Variants in STX2 observed in about 807,000 individuals in gnomAD.
STX2 encodes the protein syntaxin-2.
STX2 carries 27 observed loss-of-function variants against 40.6 expected under a neutral mutation model. The observed-to-expected ratio is 0.66, with a 90% confidence interval of 0.49 to 0.92. STX2 has a LOEUF of 0.92. Ranked by LOEUF, STX2 falls within the 40% of genes least tolerant of loss-of-function variation. STX2 has a pLI of 0.00. For synonymous variants in STX2, 123 were observed against 119.1 expected (o/e 1.03, Z -0.22); for missense variants, 328 against 366.1 (o/e 0.90, Z 0.85).
chr12:130,834,021 G>A (rs1295060767), intron 1 of STX2, among the ~76,000 whole-genome samples: 2 of 152,128 alleles, frequency 1.3e-5, no homozygotes. Flanking sequence ...AGACAAGATG[G>A]GCCATCTGTG....
chr12:130,819,772 C>G (rs183745244), intron 3 of STX2, among the ~76,000 whole-genome samples: 3 of 152,238 alleles, frequency 2.0e-5, no homozygotes, highest in African/African-American at 4.8e-5. Context: ...TTCTAGGAAG[C>G]CTTCTCAGAG....
chr12:130,806,740 T>A (rs1951449312), intron 6 of STX2, among the ~76,000 whole-genome samples: 1 of 151,972 alleles, frequency 6.6e-6, no homozygotes, highest in African/African-American at 2.4e-5. Flanking sequence ...ACTCTCCCAA[T>A]CTCCCTGAAA....
chr12:130,835,490 C>T (rs1952728378), intron 1 of STX2, among the ~76,000 whole-genome samples: 1 of 152,140 alleles, frequency 6.6e-6, no homozygotes, highest in Admixed American at 6.6e-5. Context: ...ATATATGTAT[C>T]AAATATAAAT....
Position 130,810,022 on chromosome 12 carries a change from A to AAAC in STX2, c.281-1321_281-1319dup, listed in dbSNP as rs560860616. On this transcript the variant is annotated intron_variant, in intron 4 of 10. Transcript: ENST00000392373. ...GGCCAGCACAGCAAGACCCCAGGTC[A>AAAC]AACAACAACAACAACAACAAAAAGT... Among the ~76,000 whole-genome samples, 19 of 152,218 alleles carry AAAC rather than the reference A, an allele frequency of 1.2e-4. 1 individual carries two copies. The highest frequency in any genetic ancestry group is 6.8e-3 in the Middle Eastern group (2 of 294).
intron 6 of STX2, among the ~76,000 whole-genome samples, chr12:130,801,735 G>A (rs752556407): frequency 1.3e-5 from 2 of 152,150 alleles, no homozygotes; most frequent in Non-Finnish European, 2.9e-5. Flanking sequence ...ATATTAGTGA[G>A]AAACAACTGC....
chr12:130,837,549 G>A (rs927840921), intron 1 of STX2, among the ~76,000 whole-genome samples: 20 of 152,276 alleles, frequency 1.3e-4, no homozygotes, highest in African/African-American at 4.6e-4. Flanking sequence ...CTCCCAAAGT[G>A]CTGGGATTAC....
intron 3 of STX2, among the ~76,000 whole-genome samples, chr12:130,813,679 G>A (rs572559415): frequency 8.5e-5 from 13 of 152,326 alleles, no homozygotes; most frequent in African/African-American, 2.2e-4. Context: ...CACCCAGGGC[G>A]TCATAGCAGC....
chr12:130,817,281 A>C (rs1951895568), intron 3 of STX2, among the ~76,000 whole-genome samples: 1 of 152,242 alleles, frequency 6.6e-6, no homozygotes, highest in Admixed American at 6.5e-5. Context: ...AAAGGAACCA[A>C]GTGGAATTCT....
At chr12:130,806,735 C>G (rs1951449215) in intron 6 of STX2, among the ~76,000 whole-genome samples, 1 of 152,172 alleles carries the variant, frequency 6.6e-6, no homozygotes, top group Non-Finnish European at 1.5e-5. Context: ...TGAGCACTCT[C>G]CCAATCTCCC....
chr12:130,826,438 C>G (rs1018181025), intron 2 of STX2, among the ~76,000 whole-genome samples: 1 of 152,194 alleles, frequency 6.6e-6, no homozygotes, highest in Non-Finnish European at 1.5e-5. Flanking sequence ...CAGCCAGCAC[C>G]GGGTGGGAGA....
intron 1 of STX2, among the ~76,000 whole-genome samples, chr12:130,837,769 T>C (rs1352530661): frequency 6.6e-6 from 1 of 152,158 alleles, no homozygotes; most frequent in Non-Finnish European, 1.5e-5. Context: ...CACTGAAAGA[T>C]AATCCATCGG....
intron 1 of STX2, among the ~76,000 whole-genome samples, chr12:130,834,099 C>T (rs1475717856): frequency 1.3e-5 from 2 of 152,088 alleles, no homozygotes; most frequent in East Asian, 1.9e-4. Context: ...AAAAAAGGTG[C>T]AAGGCTACAT....
chr12:130,834,121 C>T (rs1463188132), intron 1 of STX2, among the ~76,000 whole-genome samples: 3 of 152,118 alleles, frequency 2.0e-5, no homozygotes, highest in Admixed American at 6.6e-5. Context: ...TGGTGGCTCA[C>T]GCCTGTAATC....
rs1479986253 is a variant in STX2, at chr12:130,818,186, ATAT to A, written c.205+3500_205+3502del. 1.3e-3 allele frequency among the ~76,000 whole-genome samples: 78 copies of A among 62,268 alleles called. 1 individual carries two copies. Among genetic ancestry groups the A allele is most frequent in the African/African-American group, 4.1e-3 (36 of 8,700 alleles). The allele number at this position is 62,268 out of a possible 152,430, so 40.9% of individuals were successfully genotyped here. A position where few individuals can be genotyped will look rare whatever the true frequency, so the allele number is the denominator to read the frequency against. ...CTGTTTCTACAAAAAAAAAAAAAAAATATATATATATATATATATATATATATA... is the reference window on the plus strand; with the variant it reads ...CTGTTTCTACAAAAAAAAAAAAAAAAATATATATATATATATATATATATA... On this transcript the variant is annotated intron_variant, in intron 3 of 10. Coordinates refer to ENST00000392373, the MANE Select transcript of STX2 (RefSeq NM_194356.4).
intron 9 of STX2, among the ~76,000 whole-genome samples, chr12:130,798,204 T>G (rs1042442387): frequency 7.0e-6 from 1 of 142,042 alleles, no homozygotes; most frequent in African/African-American, 2.7e-5. Flanking sequence ...CCAAGATCAC[T>G]CCATTGCACT....
chr12:130,835,757 TCAGAA>T (rs1952736691), intron 1 of STX2, among the ~76,000 whole-genome samples: 1 of 152,172 alleles, frequency 6.6e-6, no homozygotes, highest in Non-Finnish European at 1.5e-5. Context: ...TTTCTGTAAA[TCAGAA>T]ATATCTTTCT....
chr12:130,792,155 G>C (rs972874327), intron 10 of STX2, among the ~76,000 whole-genome samples, 178 bp from the exon 11 acceptor site: 12 of 152,168 alleles, frequency 7.9e-5, no homozygotes, highest in Non-Finnish European at 1.3e-4. Flanking sequence ...CTGCCTTCCG[G>C]GTTCAAGTGA....
chr12:130,802,423 C>G (rs1006982166), intron 6 of STX2, among the ~76,000 whole-genome samples: 1 of 152,194 alleles, frequency 6.6e-6, no homozygotes, highest in African/African-American at 2.4e-5. Flanking sequence ...GTCTCGAACT[C>G]CTGACCTCAA....
chr12:130,798,671 T>G, intron 8 of STX2, 36 bp from the exon 9 acceptor site: 1 of 1,500,368 alleles, frequency 6.7e-7, no homozygotes, highest in Non-Finnish European at 9.1e-7. Context: ...GAAGACATTT[T>G]CAAATGGCTT....
Sources: allele counts gnomAD v4.1 joint callset (sites outside exome capture counted in the v4.1 genomes callset), GRCh38; gene constraint gnomAD v4.1.1; transcripts MANE v1.5; gene names NCBI Gene and HGNC (gene_info 2026-07-23, HGNC 2026-07-21).